ECE1: variants seen among roughly 807,000 people sequenced by gnomAD.
ECE1 encodes the protein endothelin converting enzyme 1.
ECE1 carries 35 observed loss-of-function variants against 98.6 expected under a neutral mutation model. The ratio of observed to expected loss-of-function variants is 0.35; its 90% CI spans 0.27 to 0.47. The LOEUF is 0.47. Among genes scored for constraint, ECE1 ranks in the 20% least tolerant of loss-of-function variants. The pLI, the probability that ECE1 is intolerant of heterozygous loss-of-function variation, is 1.00. For missense variants in ECE1, 814 were observed against 1,025.3 expected, an observed-to-expected ratio of 0.79 and a Z score of 2.81; for synonymous variants, 394 against 407.1, an observed-to-expected ratio of 0.97 and a Z score of 0.39.
At chr1:21,308,514 C>T (rs1485504070) in intron 1 of ECE1, among the ~76,000 whole-genome samples, 3 of 151,912 alleles carry the variant, frequency 2.0e-5, no homozygotes, top group African/African-American at 4.8e-5. Flanking sequence ...GGAGCTCTGG[C>T]GTGTGTTCCA....
intron 2 of ECE1, among the ~76,000 whole-genome samples, chr1:21,282,239 A>C (rs953862618): frequency 1.3e-5 from 2 of 151,884 alleles, no homozygotes; most frequent in South Asian, 4.1e-4. Context: ...GCAGTAAGCC[A>C]TGATTGTGCC....
At chr1:21,295,351 A>C (rs1428332939), upstream of ECE1, among the ~76,000 whole-genome samples, 1 of 152,264 alleles carries the variant, frequency 6.6e-6, no homozygotes, top group African/African-American at 2.4e-5. Flanking sequence ...TCTCAAAAAA[A>C]CAAAAACAAA....
chr1:21,328,677 C>T (rs754907969), intron 1 of ECE1, among the ~76,000 whole-genome samples: 9 of 149,758 alleles, frequency 6.0e-5, no homozygotes, highest in Non-Finnish European at 1.2e-4. Flanking sequence ...GCAGAAGAAT[C>T]GCTTGAACCT....
At chr1:21,313,813 G>T (rs1283470816) in intron 1 of ECE1, among the ~76,000 whole-genome samples, 1 of 152,184 alleles carries the variant, frequency 6.6e-6, no homozygotes, top group East Asian at 1.9e-4. Context: ...CCATGAAAAG[G>T]CACATGGGGA....
intron 17 of ECE1, 76 bp from the exon 18 acceptor site, chr1:21,221,918 G>C: frequency 7.5e-7 from 1 of 1,333,688 alleles, no homozygotes; most frequent in Non-Finnish European, 1.1e-6. Flanking sequence ...GGAGGTCTCA[G>C]GGAGCTCCCC....
At chr1:21,257,501 C>T (rs954765252) in intron 7 of ECE1, 24 bp downstream of exon 7, 32 of 1,613,768 alleles carry the variant, frequency 2.0e-5, no homozygotes, top group Non-Finnish European at 2.7e-5. Flanking sequence ...GGGAGGCAGG[C>T]TGGGAGGGGA....
At chr1:21,306,313 T>C (rs1638595803) in intron 1 of ECE1, among the ~76,000 whole-genome samples, 1 of 151,780 alleles carries the variant, frequency 6.6e-6, no homozygotes, top group Non-Finnish European at 1.5e-5. Flanking sequence ...TGCCACATAC[T>C]ATATGTTAAG....
intron 1 of ECE1, among the ~76,000 whole-genome samples, chr1:21,312,013 C>T (rs1435259630): frequency 6.7e-6 from 1 of 149,982 alleles, no homozygotes; most frequent in East Asian, 2.0e-4. Context: ...ATTCCAGCTA[C>T]TGGGGAGGCT....
intron 11 of ECE1, among the ~76,000 whole-genome samples, chr1:21,237,668 G>A (rs2098190104): frequency 1.3e-5 from 2 of 152,334 alleles, no homozygotes; most frequent in Admixed American, 6.5e-5. Context: ...TGCAGATGAT[G>A]TAAGAACTGT....
intron 7 of ECE1, among the ~76,000 whole-genome samples, chr1:21,256,949 A>G (rs2098220669): frequency 2.6e-5 from 4 of 152,108 alleles, no homozygotes; most frequent in African/African-American, 4.8e-5. Flanking sequence ...GGTCAAGTAC[A>G]TGCCGGCGGA....
In ECE1 at chr1:21,290,441, T is replaced by C; in HGVS notation, c.-27A>G. The C allele has an allele frequency of 8.2e-7, 1 of 1,225,254 alleles. No individual in the cohort carries two copies. The highest frequency in any genetic ancestry group is 1.0e-6 in the Non-Finnish European group (1 of 983,938). 75.9% of individuals were successfully genotyped at this position (1,225,254 alleles called of 1,614,324 possible). ...CTGTGCCCCAGACGCCTGGTCCCGC[T>C]GCCCGGGTGGCCGGGATGGGATGGG... On this transcript the variant is annotated 5_prime_UTR_variant, in exon 1 of 19. Coordinates refer to ENST00000374893, the MANE Select transcript of ECE1 (RefSeq NM_001397.3). This position sits in a 1 kb window ranked among gnomAD's most constrained non-coding sequence, Gnocchi z 7.3.
At chr1:21,333,533 A>G (rs921661892) in intron 1 of ECE1, among the ~76,000 whole-genome samples, 1 of 152,198 alleles carries the variant, frequency 6.6e-6, no homozygotes, top group Non-Finnish European at 1.5e-5. Flanking sequence ...TCAGGAGGTT[A>G]GGATGACAGA....
Position 21,290,015 on chromosome 1 carries a change from G to A in ECE1, c.138+55C>T, listed in dbSNP as rs904277239. 10 of 1,227,242 alleles carry A rather than the reference G, an allele frequency of 8.1e-6. No homozygotes were observed. The highest frequency in any genetic ancestry group is 6.9e-5 in the East Asian group (2 of 28,810). The allele number at this position is 1,227,242 out of a possible 1,614,324, so 76.0% of individuals were successfully genotyped here. A position where few individuals can be genotyped will look rare whatever the true frequency, so the allele number is the denominator to read the frequency against. Reference sequence around the variant, plus strand: ...GGGCGGGGGGCGCGGCAGCGGCAGCGCGCATGCCCGGGCCCGGGGCGCCTG... The same window carrying A: ...GGGCGGGGGGCGCGGCAGCGGCAGCACGCATGCCCGGGCCCGGGGCGCCTG... On this transcript the variant is annotated intron_variant, in intron 2 of 18. Coordinates refer to ENST00000374893, the MANE Select transcript of ECE1 (RefSeq NM_001397.3). The surrounding 1 kb of genome is among the most constrained non-coding windows in gnomAD (Gnocchi z 7.3).
Position 21,245,109 on chromosome 1 carries a change from G to A in ECE1, c.1164-6C>T. On this transcript the variant is annotated splice_region_variant and splice_polypyrimidine_tract_variant and intron_variant, in intron 9 of 18. Transcript: ENST00000374893. ...TCATGTAGTTGTTGAGCAGGCTGCGGGGAGAGGAGGCCAGAGAGGCTCAGG... is the reference window on the plus strand; with the variant it reads ...TCATGTAGTTGTTGAGCAGGCTGCGAGGAGAGGAGGCCAGAGAGGCTCAGG... 6.2e-7 allele frequency: 1 copy of A among 1,613,134 alleles called. No individual in the cohort carries two copies. The highest frequency in any genetic ancestry group is 2.2e-5 in the East Asian group (1 of 44,864).
Position 21,290,198 on chromosome 1 carries a change from T to A in ECE1, c.52-42A>T, listed in dbSNP as rs771219479. The stretch of plus-strand genomic sequence containing the variant: ...AGCACGGACTCCCTCAGCGCCTCCA[T>A]GGCTCTCGCGCCCGAATGGGGAAGC... On this transcript the variant is annotated intron_variant, in intron 1 of 18. Coordinates refer to ENST00000374893, the MANE Select transcript of ECE1 (RefSeq NM_001397.3). The surrounding 1 kb of genome is among the most constrained non-coding windows in gnomAD (Gnocchi z 7.3). 1.8e-5 allele frequency: 27 copies of A among 1,485,014 alleles called. No individual in the cohort carries two copies. The highest frequency in any genetic ancestry group is 2.4e-5 in the Non-Finnish European group (27 of 1,116,232). 92.0% of individuals were successfully genotyped at this position (1,485,014 alleles called of 1,614,324 possible).
intron 1 of ECE1, among the ~76,000 whole-genome samples, chr1:21,313,263 C>G (rs1050912955): frequency 6.6e-6 from 1 of 152,234 alleles, no homozygotes; most frequent in African/African-American, 2.4e-5. Context: ...CCTCGGTGAC[C>G]AGGCATATCT....
intron 4 of ECE1, among the ~76,000 whole-genome samples, chr1:21,271,969 C>T (rs896598629): frequency 4.0e-5 from 6 of 151,786 alleles, no homozygotes; most frequent in Admixed American, 2.6e-4. Context: ...TGTTCAGTCT[C>T]GATCCCTTTT....
chr1:21,302,167 G>A (rs1638499822), intron 1 of ECE1, among the ~76,000 whole-genome samples: 1 of 152,216 alleles, frequency 6.6e-6, no homozygotes, highest in South Asian at 2.1e-4. Flanking sequence ...TAGCCCCAAA[G>A]GAACCAGCAG....
chr1:21,279,565 G>A (rs1347829859), intron 2 of ECE1: 13 of 1,442,692 alleles, frequency 9.0e-6, no homozygotes, highest in South Asian at 7.5e-5. Flanking sequence ...GCTCGGCCCC[G>A]ACAGGCTTGT....
Sources: gnomAD v4.1 joint callset for allele counts (sites outside exome capture counted in the v4.1 genomes callset) on GRCh38, gnomAD v4.1.1 for gene constraint, Gnocchi (gnomAD v3.1) non-coding constraint, MANE v1.5 for transcripts, NCBI Gene and HGNC (gene_info 2026-07-23, HGNC 2026-07-21) for gene names.